The following ADRA1B variants were observed in gnomAD, a reference collection of about 807,000 sequenced individuals.
ADRA1B encodes the protein alpha-1B adrenergic receptor.
A neutral mutation model predicts 17.9 loss-of-function variants in ADRA1B; 17 were observed. The observed-to-expected ratio is 0.95, with a 90% CI of 0.65 to 1.42. ADRA1B has a LOEUF of 1.42. Ranked by LOEUF, ADRA1B falls within the 40% of genes most tolerant of loss-of-function variation. ADRA1B has a pLI of 0.00. For synonymous variants in ADRA1B, 366 were observed against 327.6 expected (o/e 1.12, Z -1.27); for missense variants, 681 against 722.1 (o/e 0.94, Z 0.65).
chr5:159,866,109 C>T (rs1753649644), intron 1 of ADRA1B, among the ~76,000 whole-genome samples: 1 of 152,076 alleles, frequency 6.6e-6, no homozygotes, highest in Non-Finnish European at 1.5e-5. Context: ...GATGCCCAGC[C>T]TGGGCAGCAT....
intron 1 of ADRA1B, among the ~76,000 whole-genome samples, chr5:159,881,303 C>CTCTG (rs1201875637): frequency 0.034 from 2,979 of 88,260 alleles, 170 homozygotes; most frequent in African/African-American, 0.093. Context: ...AGAAAGTTCT[C>CTCTG]TCTCTCTCTC....
At chr5:159,882,512 G>A (rs1753873981) in intron 1 of ADRA1B, among the ~76,000 whole-genome samples, 1 of 152,188 alleles carries the variant, frequency 6.6e-6, no homozygotes, top group Non-Finnish European at 1.5e-5. Context: ...CTGACTCCCA[G>A]AGCCCTCCTT....
At chr5:159,915,780 G>A (rs945144385), upstream of ADRA1B, among the ~76,000 whole-genome samples, 1 of 152,034 alleles carries the variant, frequency 6.6e-6, no homozygotes, top group Non-Finnish European at 1.5e-5. Flanking sequence ...CCTAACACCT[G>A]TCATCACATT....
At chr5:159,939,320 T>TGCGCACGC (rs1170671488) in intron 1 of ADRA1B, among the ~76,000 whole-genome samples, 1 of 108,152 alleles carries the variant, frequency 9.2e-6, no homozygotes, top group East Asian at 2.8e-4. Flanking sequence ...TGTGTGTGTG[T>TGCGCACGC]GTGCGCGCGC....
Position 159,917,150 on chromosome 5 carries a change from A to T in ADRA1B, c.245A>T (p.Tyr82Phe). The T allele has an allele frequency of 6.2e-7, 1 of 1,613,876 alleles. No homozygotes were observed. The highest frequency in any genetic ancestry group is 8.5e-7 in the Non-Finnish European group (1 of 1,179,956). ...CGGCACCTGCGGACGCCCACCAACTACTTCATTGTCAACCTGGCCATGGCC... is the reference window on the plus strand; with the variant it reads ...CGGCACCTGCGGACGCCCACCAACTTCTTCATTGTCAACCTGGCCATGGCC... ...CNRHLRTPTN[Y>F]FIVNLAMADL... The change falls in exon 1 of 2, where the codon TAC (tyrosine) becomes TTC (phenylalanine). Residue 82 changes from tyrosine (Y) to phenylalanine (F), a missense_variant. Transcript: ENST00000306675.
rs1755877182 is a variant in ADRA1B at position 159,971,994 on chromosome 5, C to A, written c.1065C>A (p.Phe355Leu). ...PIIYPCSSKE[F>L]KRAFVRILGC... ...TCTACCCATGCTCCAGCAAGGAGTT[C>A]AAGCGCGCTTTCGTGCGCATCCTCG... is the stretch of plus-strand genomic sequence containing the variant. The change falls in exon 2 of 2, where the codon TTC (phenylalanine) becomes TTA (leucine). Residue 355 changes from phenylalanine (F) to leucine (L), a missense_variant. This residue lies in a region of ADRA1B where 424 missense variants were observed against 480.2 expected (regional missense o/e 0.88). Coordinates refer to ENST00000306675, the MANE Select transcript of ADRA1B (RefSeq NM_000679.4). The A allele has an allele frequency of 3.4e-6, 5 of 1,476,934 alleles. No homozygotes were observed. Among genetic ancestry groups the A allele is most frequent in the Non-Finnish European group, 4.5e-6 (5 of 1,107,248 alleles). 91.5% of individuals were successfully genotyped at this position (1,476,934 alleles called of 1,614,324 possible).
intron 1 of ADRA1B, among the ~76,000 whole-genome samples, chr5:159,892,651 A>G (rs1398520168): frequency 6.6e-6 from 1 of 152,246 alleles, no homozygotes; most frequent in Admixed American, 6.5e-5. Flanking sequence ...ATGTCCCTGC[A>G]AAAGACATGA....
intron 1 of ADRA1B, among the ~76,000 whole-genome samples, chr5:159,939,966 C>T (rs1755080784): frequency 6.6e-6 from 1 of 152,236 alleles, no homozygotes; most frequent in Middle Eastern, 3.2e-3. Context: ...CCATCAGAGC[C>T]TTGTCACACT....
the ADRA1B span, among the ~76,000 whole-genome samples, chr5:159,982,162 C>G: frequency 6.6e-6 from 1 of 152,180 alleles, no homozygotes; most frequent in African/African-American, 2.4e-5. Flanking sequence ...GTAAATAACT[C>G]CTAAGTGAGA....
chr5:159,986,185 T>C, the ADRA1B span, among the ~76,000 whole-genome samples: 1 of 152,150 alleles, frequency 6.6e-6, no homozygotes, highest in Non-Finnish European at 1.5e-5. Flanking sequence ...AGCCTCGAAC[T>C]CCTGGCTCAA....
intron 1 of ADRA1B, among the ~76,000 whole-genome samples, chr5:159,962,738 A>G (rs1362271156): frequency 1.4e-5 from 2 of 144,778 alleles, no homozygotes; most frequent in African/African-American, 5.2e-5. Flanking sequence ...TGATGCGATC[A>G]TAGCTCACTT....
At chr5:159,905,338 G>A (rs1754150221) in intron 1 of ADRA1B, among the ~76,000 whole-genome samples, 1 of 152,246 alleles carries the variant, frequency 6.6e-6, no homozygotes, top group East Asian at 1.9e-4. Flanking sequence ...GGAAGCTGAG[G>A]TTGCAGGAAT....
intron 1 of ADRA1B, chr5:159,955,191 A>G: frequency 1.0e-6 from 1 of 985,290 alleles, no homozygotes; most frequent in Non-Finnish European, 1.2e-6. Flanking sequence ...AGCGTCATTC[A>G]CTCTGTATTG....
At chr5:159,969,944 A>C (rs1355590395) in intron 1 of ADRA1B, among the ~76,000 whole-genome samples, 6 of 152,274 alleles carry the variant, frequency 3.9e-5, no homozygotes, top group East Asian at 1.9e-4. Flanking sequence ...TTAAAAAAAA[A>C]ACACATTTTT....
chr5:159,948,243 G>A (rs1231958504), intron 1 of ADRA1B: 1 of 985,280 alleles, frequency 1.0e-6, no homozygotes, highest in African/African-American at 1.7e-5. Flanking sequence ...AGATTATTTT[G>A]TGAAAGCTCC....
intron 1 of ADRA1B, among the ~76,000 whole-genome samples, chr5:159,908,521 C>T (rs934295703): frequency 6.6e-6 from 1 of 152,104 alleles, no homozygotes; most frequent in Non-Finnish European, 1.5e-5. Context: ...CTTCCTCTTT[C>T]CCCACGTGAT....
chr5:159,939,278 AGTGTGTGTGTGTGTGTGTGTGT>A lies in ADRA1B; in HGVS notation c.949+21448_949+21469del, dbSNP rs70987981. On this transcript the variant is annotated intron_variant, in intron 1 of 1. Coordinates refer to ENST00000306675, the MANE Select transcript of ADRA1B (RefSeq NM_000679.4). ...GAGAGAGAGAGAGAGAGAGAGAGAGAGTGTGTGTGTGTGTGTGTGTGTGTGTGTGTGTGTGTGTGTGTGTGCG... is the reference window on the plus strand; with the variant it reads ...GAGAGAGAGAGAGAGAGAGAGAGAGAGTGTGTGTGTGTGTGTGTGTGTGCG... Among the ~76,000 whole-genome samples, 345 of 98,364 alleles carry A rather than the reference AGTGTGTGTGTGTGTGTGTGTGT, an allele frequency of 3.5e-3. 4 individuals carry two copies. Among genetic ancestry groups the A allele is most frequent in the African/African-American group, 0.012 (321 of 26,158 alleles). The allele number at this position is 98,364 out of a possible 152,430, so 64.5% of individuals were successfully genotyped here. A position where few individuals can be genotyped will look rare whatever the true frequency, so the allele number is the denominator to read the frequency against.
chr5:159,979,564 A>G, the ADRA1B span, among the ~76,000 whole-genome samples: 1 of 152,130 alleles, frequency 6.6e-6, no homozygotes, highest in Non-Finnish European at 1.5e-5. Context: ...GTGGCATCTG[A>G]GATGGGTCTA....
intron 1 of ADRA1B, chr5:159,929,221 T>C (rs954931288): frequency 6.6e-6 from 1 of 152,210 alleles, no homozygotes; most frequent in African/African-American, 2.4e-5. Context: ...CTTTAACATA[T>C]TAAATAAACA....
Sources: gnomAD v4.1 joint callset for allele counts (sites outside exome capture counted in the v4.1 genomes callset) on GRCh38, gnomAD v4.1.1 for gene constraint, gnomAD v4.1.1 regional missense constraint, MANE v1.5 for transcripts, NCBI Gene and HGNC (gene_info 2026-07-23, HGNC 2026-07-21) for gene names.